Variants in MX2 observed in about 807,000 individuals in gnomAD.
MX2 encodes MX dynamin like GTPase 2.
A neutral mutation model predicts 74.0 loss-of-function variants in MX2; 51 were observed. That is an observed-to-expected ratio of 0.69 (90% CI 0.55 to 0.87). The LOEUF is 0.87. Among genes scored for constraint, MX2 ranks in the 40% least tolerant of loss-of-function variants. MX2 has a pLI of 0.00. For synonymous variants in MX2, 369 were observed against 339.3 expected (o/e 1.09, Z -0.96); for missense variants, 832 against 908.7 (o/e 0.92, Z 1.09).
intron 6 of MX2, 59 bp from the exon 7 acceptor site, chr21:41,395,528 T>C: frequency 6.4e-7 from 1 of 1,555,452 alleles, no homozygotes; most frequent in Non-Finnish European, 8.8e-7. Context: ...CCAGTAGGAG[T>C]CAAACCTGTT....
At chr21:41,396,955 T>A (rs961908247) in intron 7 of MX2, among the ~76,000 whole-genome samples, 5 of 152,216 alleles carry the variant, frequency 3.3e-5, no homozygotes, top group Non-Finnish European at 7.3e-5. Flanking sequence ...TTGAGGCTAA[T>A]GTTGCCAGTC....
Position 41,408,352 on chromosome 21 carries a change from C to G in MX2, c.*119C>G. 1.5e-6 allele frequency: 2 copies of G among 1,341,080 alleles called. No homozygotes were observed. Among genetic ancestry groups the G allele is most frequent in the Non-Finnish European group, 2.0e-6 (2 of 985,488 alleles). The allele number at this position is 1,341,080 out of a possible 1,614,324, so 83.1% of individuals were successfully genotyped here. ...CTTCTGTCACTATCAGTGTCCATCT[C>G]TACTGTACTCCCTCAGCATCAGAGC... On this transcript the variant is annotated 3_prime_UTR_variant, in exon 14 of 14. Transcript: ENST00000330714.
At position 41,394,018 on chromosome 21, in the gene MX2, T is replaced by A. The variant is rs531629005; in HGVS notation, c.872-1569T>A. 4.9e-4 allele frequency among the ~76,000 whole-genome samples: 75 copies of A among 152,232 alleles called. 2 individuals are homozygous for A. The highest frequency in any genetic ancestry group is 4.8e-3 in the Admixed American group (74 of 15,282). ...CGGGTGCCAAATCCATCCACTGCTC[T>A]CCATCCCCACTGTCACTGCCTAGAC... On this transcript the variant is annotated intron_variant, in intron 6 of 13. Transcript: ENST00000330714.
chr21:41,389,210 A>AG, intron 5 of MX2, among the ~76,000 whole-genome samples: 1 of 152,038 alleles, frequency 6.6e-6, no homozygotes, highest in South Asian at 2.1e-4. Context: ...AAAAAAAAAA[A>AG]CTTGTTCAGA....
Position 41,402,168 on chromosome 21 carries a change from A to G in MX2, c.1573+40A>G. The G allele has an allele frequency of 3.8e-6, 6 of 1,581,522 alleles. No individual in the cohort carries two copies. Among genetic ancestry groups the G allele is most frequent in the Non-Finnish European group, 5.2e-6 (6 of 1,162,556 alleles). ...GCAGGACTCCCAAACCATCACTCTC[A>G]TACCTTCCATAGACCCCAGTGCCTT... On this transcript the variant is annotated intron_variant, in intron 11 of 13. Transcript: ENST00000330714. This position sits in a 1 kb window ranked among gnomAD's most constrained non-coding sequence, Gnocchi z 4.5.
chr21:41,398,224 G>C (rs187737269), intron 8 of MX2, among the ~76,000 whole-genome samples: 1 of 152,206 alleles, frequency 6.6e-6, no homozygotes, highest in African/African-American at 2.4e-5. Flanking sequence ...CAGGAGAATC[G>C]CTTGAACCCG....
intron 1 of MX2, among the ~76,000 whole-genome samples, chr21:41,376,023 CT>C (rs1244936015): frequency 2.0e-5 from 3 of 152,250 alleles, no homozygotes; most frequent in Non-Finnish European, 4.4e-5. Context: ...CAGCATGGTG[CT>C]GCCCTCATCT....
chr21:41,390,572 C>T lies in MX2; in HGVS notation c.740C>T (p.Ala247Val), dbSNP rs959576929. 1.2e-6 allele frequency: 2 copies of T among 1,614,030 alleles called. No homozygotes were observed. Among genetic ancestry groups the T allele is most frequent in the Non-Finnish European group, 1.7e-6 (2 of 1,180,012 alleles). The change falls in exon 6 of 14, where the codon GCT (alanine) becomes GTT (valine). Residue 247 changes from alanine to valine, a missense_variant. Ala to Val is a moderately conservative substitution (Grantham distance 64). Transcript: ENST00000330714. ...GCGATTCTTTGGCATCAGATCAAGG[C>T]TCTCATCAAGAAGTACATCCAGAGG... ...QPRDIGLQIK[A>V]LIKKYIQRQQ...
chr21:41,379,932 A>G, intron 3 of MX2, 85 bp from the exon 4 acceptor site: 4 of 1,548,496 alleles, frequency 2.6e-6, no homozygotes, highest in South Asian at 1.2e-5. Flanking sequence ...GCCTTTGGGG[A>G]CAGCAGGGCA....
chr21:41,398,597 A>G (rs971956519), intron 8 of MX2, among the ~76,000 whole-genome samples: 1 of 152,240 alleles, frequency 6.6e-6, no homozygotes, highest in African/African-American at 2.4e-5. Context: ...TGTATATCAG[A>G]CAAAAGCAAT....
chr21:41,376,631 A>G (rs2089405982), intron 1 of MX2, among the ~76,000 whole-genome samples: 1 of 152,182 alleles, frequency 6.6e-6, no homozygotes, highest in Non-Finnish European at 1.5e-5. Flanking sequence ...CCGTTCCCCA[A>G]GCCCGGGCCG....
chr21:41,376,633 C>T (rs1276892239), intron 1 of MX2, among the ~76,000 whole-genome samples: 2 of 152,204 alleles, frequency 1.3e-5, no homozygotes, highest in Admixed American at 1.3e-4. Context: ...GTTCCCCAAG[C>T]CCGGGCCGGT....
chr21:41,396,554 G>A (rs755848321), intron 7 of MX2, among the ~76,000 whole-genome samples: 17 of 152,070 alleles, frequency 1.1e-4, no homozygotes, highest in Non-Finnish European at 1.9e-4. Flanking sequence ...CCACCTTCTC[G>A]GAATTTTGCC....
chr21:41,404,505 G>A (rs2089858937), intron 12 of MX2: 1 of 152,246 alleles, frequency 6.6e-6, no homozygotes, highest in East Asian at 1.9e-4. Context: ...AGTGCTATCT[G>A]TGACCTGTGC....
chr21:41,376,857 G>A lies in MX2; in HGVS notation c.-50G>A. On this transcript the variant is annotated 5_prime_UTR_variant, in exon 2 of 14. The change creates a new upstream start codon in the 5' untranslated region. Transcript: ENST00000330714. ...GCAGAGCTTGTCAGGAAGATCGGAG[G>A]TGCCAAGTAGCAGAGAAAGCATCCC... is the stretch of plus-strand genomic sequence containing the variant. 6.2e-7 allele frequency: 1 copy of A among 1,601,322 alleles called. No individual in the cohort carries two copies. Among genetic ancestry groups the A allele is most frequent in the Non-Finnish European group, 8.5e-7 (1 of 1,172,746 alleles).
At chr21:41,367,653 T>C (rs1055098114) in intron 1 of MX2, among the ~76,000 whole-genome samples, 13 of 152,220 alleles carry the variant, frequency 8.5e-5, no homozygotes, top group Non-Finnish European at 1.6e-4. Context: ...CCAGAATGCA[T>C]GCTTCTTAGT....
At chr21:41,375,222 G>T (rs994725464) in intron 1 of MX2, among the ~76,000 whole-genome samples, 1 of 152,208 alleles carries the variant, frequency 6.6e-6, no homozygotes, top group Non-Finnish European at 1.5e-5. Context: ...GAGCCTGGTT[G>T]GTTGGTATAT....
chr21:41,373,805 T>TAAAAAA (rs34254609), intron 1 of MX2: 1 of 91,148 alleles, frequency 1.1e-5, no homozygotes, highest in African/African-American at 4.2e-5. Flanking sequence ...CTCTCAAACT[T>TAAAAAA]AAAAAAAAAA....
chr21:41,400,080 G>A (rs1484131334), intron 10 of MX2, among the ~76,000 whole-genome samples: 1 of 152,232 alleles, frequency 6.6e-6, no homozygotes, highest in East Asian at 1.9e-4. Context: ...CATGGTGCCT[G>A]TTGTGGACAC....
Sources: gnomAD v4.1 joint callset for allele counts (sites outside exome capture counted in the v4.1 genomes callset) on GRCh38, gnomAD v4.1.1 for gene constraint, Gnocchi (gnomAD v3.1) non-coding constraint, MANE v1.5 for transcripts, NCBI Gene and HGNC (gene_info 2026-07-23, HGNC 2026-07-21) for gene names.